Variants in ZFR observed in about 807,000 individuals in gnomAD.
ZFR encodes zinc finger RNA-binding protein.
A neutral mutation model predicts 130.7 loss-of-function variants in ZFR; 19 were observed. That is an observed-to-expected ratio of 0.15 (90% CI 0.10 to 0.21). The LOEUF (loss-of-function observed/expected upper bound fraction) is 0.21, where lower values mean the gene tolerates loss of function less well. ZFR is among the 10% of genes least tolerant of loss of function. The pLI, the probability that ZFR is intolerant of heterozygous loss-of-function variation, is 1.00. For synonymous variants in ZFR, 466 were observed against 456.9 expected (o/e 1.02, Z -0.25); for missense variants, 872 against 1,321.5 (o/e 0.66, Z 5.27).
intron 19 of ZFR, among the ~76,000 whole-genome samples, chr5:32,361,618 C>CTTTT (rs1194868463): frequency 3.7e-5 from 5 of 134,034 alleles, no homozygotes; most frequent in African/African-American, 5.5e-5. Context: ...TCAGCCTATT[C>CTTTT]TTTTTTTTTT....
chr5:32,364,315 A>G, intron 17 of ZFR, 40 bp from the exon 18 acceptor site: 1 of 1,470,636 alleles, frequency 6.8e-7, no homozygotes, highest in Non-Finnish European at 9.2e-7. Flanking sequence ...CAGCTTACCA[A>G]AGGAATTACT....
At chr5:32,373,033 C>T (rs993925218) in intron 17 of ZFR, among the ~76,000 whole-genome samples, 8 of 152,118 alleles carry the variant, frequency 5.3e-5, no homozygotes, top group East Asian at 1.9e-4. Flanking sequence ...TTTCGAATCA[C>T]GATGCCATAA....
At position 32,395,356 on chromosome 5, in the gene ZFR, A is replaced by G. The variant is rs569398816; in HGVS notation, c.1834-52T>C. 43 of 1,337,144 alleles carry G rather than the reference A, an allele frequency of 3.2e-5. 2 individuals are homozygous for G. In the South Asian group the frequency reaches 6.6e-4, roughly 21 times the overall value. The allele number at this position is 1,337,144 out of a possible 1,614,324, so 82.8% of individuals were successfully genotyped here. On this transcript the variant is annotated intron_variant, in intron 10 of 19. Transcript: ENST00000265069. ...AAACAGCAGCCCCAAAACAATCTAC[A>G]TGTATTTTTAATCATACAATTACAC...
chr5:32,415,512 G>GTGTGTT (rs1753802909), intron 4 of ZFR, among the ~76,000 whole-genome samples: 1 of 94,306 alleles, frequency 1.1e-5, no homozygotes, highest in African/African-American at 5.6e-5. Flanking sequence ...GTGTGTGTGT[G>GTGTGTT]TGTGCGCGCG....
chr5:32,393,398 T>C (rs1010816067), intron 11 of ZFR, among the ~76,000 whole-genome samples: 21 of 152,056 alleles, frequency 1.4e-4, no homozygotes, highest in Non-Finnish European at 2.1e-4. Context: ...GGCTGGAGTA[T>C]AATGGCGCGA....
At chr5:32,410,711 T>C (rs1477367) in intron 5 of ZFR, among the ~76,000 whole-genome samples, 2,549 of 152,314 alleles carry the variant, frequency 0.017, 37 homozygotes, top group Non-Finnish European at 0.026. Flanking sequence ...AGTAGTAAAT[T>C]CATCATGCTA....
At position 32,363,931 on chromosome 5, in the gene ZFR, T is replaced by C; in HGVS notation, c.3045+17A>G. On this transcript the variant is annotated intron_variant, in intron 19 of 19. Transcript: ENST00000265069. ...TGGAGTAACCCAATAGGGCTCTGAA[T>C]TTAGGAATACCAGTACCTGTGCACT... The C allele has an allele frequency of 4.3e-6, 7 of 1,609,712 alleles. No individual in the cohort carries two copies. Among genetic ancestry groups the C allele is most frequent in the Non-Finnish European group, 5.9e-6 (7 of 1,176,960 alleles).
At chr5:32,357,048 G>A (rs981973823) in intron 19 of ZFR, among the ~76,000 whole-genome samples, 2 of 151,840 alleles carry the variant, frequency 1.3e-5, no homozygotes, top group African/African-American at 4.8e-5. Context: ...GAGTGCAGTG[G>A]TGCCATCACA....
At chr5:32,425,432 C>T (rs527988277) in intron 2 of ZFR, among the ~76,000 whole-genome samples, 2 of 150,604 alleles carry the variant, frequency 1.3e-5, no homozygotes, top group East Asian at 2.0e-4. Flanking sequence ...TAATTTAAGA[C>T]ATTAAAAAGA....
At chr5:32,409,752 C>T (rs370910179) in intron 5 of ZFR, among the ~76,000 whole-genome samples, 17 of 152,250 alleles carry the variant, frequency 1.1e-4, no homozygotes, top group African/African-American at 3.4e-4. Context: ...GTTGCTGAAC[C>T]GATGGATACA....
At chr5:32,408,411 T>C (rs1753625955) in intron 5 of ZFR, among the ~76,000 whole-genome samples, 1 of 151,966 alleles carries the variant, frequency 6.6e-6, no homozygotes, top group Non-Finnish European at 1.5e-5. Context: ...TAATAGATAA[T>C]TCATAAAGTT....
chr5:32,429,268 G>C (rs1273966042), intron 2 of ZFR, among the ~76,000 whole-genome samples: 1 of 152,116 alleles, frequency 6.6e-6, no homozygotes, highest in East Asian at 1.9e-4. Context: ...TTACAGGCTT[G>C]AGCCACTGCG....
intron 19 of ZFR, among the ~76,000 whole-genome samples, chr5:32,357,073 C>T (rs935266366): frequency 2.6e-5 from 4 of 151,880 alleles, no homozygotes; most frequent in African/African-American, 4.8e-5. Flanking sequence ...ACTGCAACCT[C>T]GACCTCCCTG....
At chr5:32,356,002 CA>C in intron 19 of ZFR, 63 bp from the exon 20 acceptor site, 2 of 1,340,816 alleles carry the variant, frequency 1.5e-6, no homozygotes, top group Non-Finnish European at 2.0e-6. Flanking sequence ...ATACTTACTA[CA>C]TTTACCTCCC....
At chr5:32,394,971 G>C (rs1266163858) in intron 11 of ZFR, among the ~76,000 whole-genome samples, 188 bp downstream of exon 11, 1 of 152,114 alleles carries the variant, frequency 6.6e-6, no homozygotes, top group African/African-American at 2.4e-5. Flanking sequence ...CAAGGCCACA[G>C]TAAAATATTA....
Position 32,388,491 on chromosome 5 carries a change from T to C in ZFR, c.2326A>G (p.Lys776Glu). Residue 776 changes from lysine (K) to glutamate (E), a missense_variant, in exon 13 of 20, where the codon AAG becomes GAG. Around this residue, in one of 7 missense-constraint regions of ZFR, gnomAD observed 225 missense variants for 282.4 expected, o/e 0.80. Coordinates refer to ENST00000265069, the MANE Select transcript of ZFR (RefSeq NM_016107.5). Reference protein sequence around the residue: ...EKNKNKEGDDKKEGGKDRALK... With the variant: ...EKNKNKEGDDEKEGGKDRALK... ...CACCTGTCTTTACCTCCCTCTTTCT[T>C]ATCATCTCCCTCTTTGTTCTTGTTC... is the stretch of plus-strand genomic sequence containing the variant. 6.2e-7 allele frequency: 1 copy of C among 1,613,950 alleles called. No individual in the cohort carries two copies. The highest frequency in any genetic ancestry group is 8.5e-7 in the Non-Finnish European group (1 of 1,179,880).
At chr5:32,359,556 C>T (rs1324624904) in intron 19 of ZFR, among the ~76,000 whole-genome samples, 1 of 152,174 alleles carries the variant, frequency 6.6e-6, no homozygotes, top group Non-Finnish European at 1.5e-5. Context: ...CTAAGTTGCT[C>T]CCTAACAGCA....
rs3065262 is a variant in ZFR at position 32,415,485 on chromosome 5, AGTGT to A, written c.566-302_566-299del. On this transcript the variant is annotated intron_variant, in intron 4 of 19. Coordinates refer to ENST00000265069, the MANE Select transcript of ZFR (RefSeq NM_016107.5). ...CACTAAACAAACTTTTCTGAAAAGG[AGTGT>A]GTGTGTGTGTGTGTGTGTGTGTGTG... Among the ~76,000 whole-genome samples the A allele has an allele frequency of 4.0e-3, 548 of 136,306 alleles. 5 individuals carry two copies. The highest frequency in any genetic ancestry group is 0.011 in the African/African-American group (391 of 36,302). 89.4% of individuals were successfully genotyped at this position (136,306 alleles called of 152,430 possible).
At chr5:32,431,601 A>G (rs756496586) in intron 2 of ZFR, among the ~76,000 whole-genome samples, 2 of 152,238 alleles carry the variant, frequency 1.3e-5, no homozygotes, top group African/African-American at 2.4e-5. Context: ...AGTAATTGAT[A>G]GATACAACAT....
Sources: allele counts gnomAD v4.1 joint callset (sites outside exome capture counted in the v4.1 genomes callset), GRCh38; gene constraint gnomAD v4.1.1; regional missense constraint gnomAD v4.1.1; transcripts MANE v1.5; gene names NCBI Gene and HGNC (gene_info 2026-07-23, HGNC 2026-07-21).